GABRG3: variants seen among roughly 807,000 people sequenced by gnomAD.
The protein encoded by GABRG3 is gamma-aminobutyric acid type A receptor subunit gamma3, also known as gamma-aminobutyric acid receptor subunit gamma-3.
Under a neutral mutation model 48.8 loss-of-function variants are expected in GABRG3, and 25 were observed. The observed-to-expected ratio is 0.51, with a 90% CI of 0.37 to 0.72. The LOEUF (loss-of-function observed/expected upper bound fraction) is 0.72. Among genes scored for constraint, GABRG3 ranks in the 30% least tolerant of loss-of-function variants. The pLI, the probability that GABRG3 is intolerant of heterozygous loss-of-function variation, is 0.00. For synonymous variants in GABRG3, 227 were observed against 217.6 expected (o/e 1.04, Z -0.38); for missense variants, 394 against 577.9 (o/e 0.68, Z 3.26).
At chr15:27,316,214 C>G (rs1893210232) in intron 3 of GABRG3, among the ~76,000 whole-genome samples, 1 of 151,748 alleles carries the variant, frequency 6.6e-6, no homozygotes, top group African/African-American at 2.4e-5. Context: ...GGTGAAACCC[C>G]GTCTCTACTA....
intron 5 of GABRG3, among the ~76,000 whole-genome samples, chr15:27,411,010 T>A (rs1426945308): frequency 6.6e-6 from 1 of 152,126 alleles, no homozygotes; most frequent in Non-Finnish European, 1.5e-5. Flanking sequence ...CATTTGTGCC[T>A]TTTCTGGGCA....
chr15:27,145,623 A>ATCTATCTG (rs1555406017), intron 3 of GABRG3, among the ~76,000 whole-genome samples: 7 of 144,526 alleles, frequency 4.8e-5, no homozygotes, highest in Non-Finnish European at 7.6e-5. Context: ...CTATCTATCT[A>ATCTATCTG]TCTATCTATC....
In GABRG3 at chr15:27,180,042, G is replaced by A. The variant is rs1887876632; in HGVS notation, c.271-146767G>A. Among the ~76,000 whole-genome samples, 1 of 152,180 alleles carries A rather than the reference G, an allele frequency of 6.6e-6. No homozygotes were observed. Among genetic ancestry groups the A allele is most frequent in the Non-Finnish European group, 1.5e-5 (1 of 68,038 alleles). ...AAGTGGCTAAATGGCCTTCTGCAGA[G>A]CCACTGCCTGATCGAACATCTCTGT... On this transcript the variant is annotated intron_variant, in intron 3 of 9. Coordinates refer to ENST00000615808, the MANE Select transcript of GABRG3 (RefSeq NM_033223.5). The surrounding 1 kb of genome is among the most constrained non-coding windows in gnomAD (Gnocchi z 4.2).
At chr15:27,522,184 G>A (rs923035832) in intron 7 of GABRG3, among the ~76,000 whole-genome samples, 2 of 151,898 alleles carry the variant, frequency 1.3e-5, no homozygotes, top group African/African-American at 4.8e-5. Flanking sequence ...TGCAATAATG[G>A]AGACCAGAAG....
chr15:27,052,203 C>T (rs1896467550), intron 3 of GABRG3, among the ~76,000 whole-genome samples: 1 of 152,182 alleles, frequency 6.6e-6, no homozygotes, highest in Non-Finnish European at 1.5e-5. Context: ...CTCTGTCCCA[C>T]CCCCATGAAA....
chr15:27,487,851 A>G lies in GABRG3; in HGVS notation c.712+7064A>G, dbSNP rs866122939. Among the ~76,000 whole-genome samples the G allele has an allele frequency of 3.3e-5, 5 of 152,192 alleles. No individual in the cohort carries two copies. The South Asian group carries it at 8.3e-4, about 25-fold the overall frequency. On this transcript the variant is annotated intron_variant, in intron 6 of 9. Transcript: ENST00000615808. The stretch of plus-strand genomic sequence containing the variant: ...TCTCTGGAATATCGCCATGCTGAAG[A>G]TGCTTAGGAACACTCATTGTTTTAC...
intron 3 of GABRG3, among the ~76,000 whole-genome samples, chr15:27,099,379 CCT>C (rs1411704909): frequency 2.6e-5 from 4 of 152,126 alleles, no homozygotes; most frequent in African/African-American, 9.7e-5. Flanking sequence ...TCTTCCGAGG[CCT>C]CTCTCCTTGG....
intron 3 of GABRG3, among the ~76,000 whole-genome samples, chr15:27,076,490 A>T (rs572872047): frequency 2.0e-5 from 3 of 151,694 alleles, no homozygotes; most frequent in East Asian, 3.9e-4. Flanking sequence ...CGCCCATCTA[A>T]TTTTTTTGTA....
At chr15:27,062,433 C>G (rs1896663382) in intron 3 of GABRG3, among the ~76,000 whole-genome samples, 1 of 27,166 alleles carries the variant, frequency 3.7e-5, no homozygotes, top group South Asian at 9.2e-4. Context: ...TCCATCTCTA[C>G]TAAAAAAAAA....
chr15:27,251,521 T>C (rs1288662121), intron 3 of GABRG3, among the ~76,000 whole-genome samples: 1 of 152,240 alleles, frequency 6.6e-6, no homozygotes, highest in African/African-American at 2.4e-5. Context: ...ATTTACAAAG[T>C]GTATTCTTCA....
chr15:27,466,516 T>C (rs936514588), intron 5 of GABRG3, among the ~76,000 whole-genome samples: 1 of 152,270 alleles, frequency 6.6e-6, no homozygotes. Flanking sequence ...CAGCTTGATA[T>C]TGCATCTTTT....
chr15:27,183,311 A>G (rs77788466), intron 3 of GABRG3, among the ~76,000 whole-genome samples: 1 of 152,240 alleles, frequency 6.6e-6, no homozygotes, highest in Non-Finnish European at 1.5e-5. Flanking sequence ...AAAACAAAGC[A>G]TTAGGCTTGG....
chr15:27,148,437 C>G (rs1247252603), intron 3 of GABRG3, among the ~76,000 whole-genome samples: 1 of 151,968 alleles, frequency 6.6e-6, no homozygotes, highest in Non-Finnish European at 1.5e-5. Flanking sequence ...AGGCTTAACA[C>G]TATTCTTTGA....
chr15:27,286,848 T>C (rs983735006), intron 3 of GABRG3, among the ~76,000 whole-genome samples: 3 of 152,190 alleles, frequency 2.0e-5, no homozygotes, highest in Non-Finnish European at 4.4e-5. Context: ...GACGTGTCCC[T>C]GCAAGTCTTA....
intron 3 of GABRG3, among the ~76,000 whole-genome samples, chr15:27,188,470 A>G (rs1361532793): frequency 6.6e-6 from 1 of 152,086 alleles, no homozygotes; most frequent in Non-Finnish European, 1.5e-5. Flanking sequence ...CATTTCTCTG[A>G]TGGCCAGTGA....
At chr15:27,427,934 G>A (rs528379273) in intron 5 of GABRG3, 12 of 152,248 alleles carry the variant, frequency 7.9e-5, no homozygotes, top group African/African-American at 2.9e-4. Flanking sequence ...CCAGGCTGGA[G>A]TGCAGTGGTG....
chr15:27,355,593 T>C (rs1894808945), intron 5 of GABRG3, among the ~76,000 whole-genome samples: 1 of 152,208 alleles, frequency 6.6e-6, no homozygotes. Flanking sequence ...AGAGTTACCA[T>C]GTAACCTAGC....
chr15:27,184,299 A>G (rs955334607), intron 3 of GABRG3, among the ~76,000 whole-genome samples: 1 of 152,136 alleles, frequency 6.6e-6, no homozygotes, highest in African/African-American at 2.4e-5. Context: ...TTCAGTGGCT[A>G]CCCTTTCCTC....
chr15:27,008,793 G>A (rs1017843146), intron 2 of GABRG3, among the ~76,000 whole-genome samples: 2 of 152,148 alleles, frequency 1.3e-5, no homozygotes, highest in Non-Finnish European at 2.9e-5. Context: ...CAGGGTCGCC[G>A]TGAGCGGACA....
Sources: allele counts gnomAD v4.1 joint callset (sites outside exome capture counted in the v4.1 genomes callset), GRCh38; gene constraint gnomAD v4.1.1; non-coding constraint Gnocchi (gnomAD v3.1); transcripts MANE v1.5; gene names NCBI Gene and HGNC (gene_info 2026-07-23, HGNC 2026-07-21).